The following STX11 variants were observed in gnomAD, a reference collection of about 807,000 sequenced individuals.
STX11 encodes syntaxin-11.
Under a neutral mutation model 19.9 loss-of-function variants are expected in STX11, and 21 were observed. The ratio of observed to expected loss-of-function variants is 1.06; its 90% CI spans 0.75 to 1.52. The LOEUF (loss-of-function observed/expected upper bound fraction) is 1.52. STX11 is among the 40% of genes most tolerant of loss of function. The probability of loss-of-function intolerance (pLI) is 0.00; values close to 1 mark genes in which losing one functional copy is unlikely to be tolerated. For missense variants in STX11, 438 were observed against 405.9 expected, an observed-to-expected ratio of 1.08 and a Z score of -0.68; for synonymous variants, 193 against 174.4, an observed-to-expected ratio of 1.11 and a Z score of -0.84.
In STX11 at chr6:144,190,612, T is replaced by C. The variant is rs907111300; in HGVS notation, c.*3121T>C. 6.6e-6 allele frequency among the ~76,000 whole-genome samples: 1 copy of C among 151,944 alleles called. No homozygotes were observed. Among genetic ancestry groups the C allele is most frequent in the African/African-American group, 2.4e-5 (1 of 41,364 alleles). Reference sequence around the variant, plus strand: ...TTTTTTTTTGACAGTCATAAAGATGTTTTCACTATGGCATTTCTATCCCTG... The same window carrying C: ...TTTTTTTTTGACAGTCATAAAGATGCTTTCACTATGGCATTTCTATCCCTG... On this transcript the variant is annotated 3_prime_UTR_variant, in exon 2 of 2. Transcript: ENST00000367568.
At chr6:144,157,494 C>T (rs1801201586) in intron 1 of STX11, among the ~76,000 whole-genome samples, 1 of 152,212 alleles carries the variant, frequency 6.6e-6, no homozygotes, top group Non-Finnish European at 1.5e-5. Flanking sequence ...GCATTCTCCT[C>T]TGCAACAGCC....
chr6:144,151,192 C>A lies in STX11; in HGVS notation c.-6+489C>A, dbSNP rs894293661. On this transcript the variant is annotated intron_variant, in intron 1 of 1. Coordinates refer to ENST00000367568, the MANE Select transcript of STX11 (RefSeq NM_003764.4). This position sits in a 1 kb window ranked among gnomAD's most constrained non-coding sequence, Gnocchi z 4.6. The stretch of plus-strand genomic sequence containing the variant: ...AGGAAAGACGGAGAAATTGATAGAG[C>A]CTTCGAGGAGTCCCTTCGAAGCCCA... 1 of 957,120 alleles carries A rather than the reference C, an allele frequency of 1.0e-6. No homozygotes were observed. 59.3% of individuals were successfully genotyped at this position (957,120 alleles called of 1,614,324 possible).
rs899987857 is a variant in STX11 at position 144,174,928 on chromosome 6, G to A, written c.-5-11695G>A. Among the ~76,000 whole-genome samples, 1 of 152,106 alleles carries A rather than the reference G, an allele frequency of 6.6e-6. No individual in the cohort carries two copies. Among genetic ancestry groups the A allele is most frequent in the Non-Finnish European group, 1.5e-5 (1 of 68,014 alleles). On this transcript the variant is annotated intron_variant, in intron 1 of 1. Coordinates refer to ENST00000367568, the MANE Select transcript of STX11 (RefSeq NM_003764.4). The surrounding 1 kb of genome is among the most constrained non-coding windows in gnomAD (Gnocchi z 5.3). ...CAGAGGGGATCACTTGTGCTCCAGA[G>A]TTTGAGACCAGCCTGGGCAACAGGC...
In STX11 at chr6:144,162,394, T is replaced by C. The variant is rs1460690053; in HGVS notation, c.-6+11691T>C. Among the ~76,000 whole-genome samples the C allele has an allele frequency of 1.3e-5, 2 of 152,246 alleles. No homozygotes were observed. Among genetic ancestry groups the C allele is most frequent in the Non-Finnish European group, 2.9e-5 (2 of 68,040 alleles). ...CATAATTTCCAACATTGTGTTGCTG[T>C]TTTCTTCTCTCTTATTCTTTATCCT... On this transcript the variant is annotated intron_variant, in intron 1 of 1. Coordinates refer to ENST00000367568, the MANE Select transcript of STX11 (RefSeq NM_003764.4). The surrounding 1 kb of genome is among the most constrained non-coding windows in gnomAD (Gnocchi z 4.6).
At position 144,151,847 on chromosome 6, in the gene STX11, A is replaced by G. The variant is rs986893959; in HGVS notation, c.-6+1144A>G. On this transcript the variant is annotated intron_variant, in intron 1 of 1. Transcript: ENST00000367568. This position sits in a 1 kb window ranked among gnomAD's most constrained non-coding sequence, Gnocchi z 4.6. ...GAAGCGGGTGGGTCCCAGCGGGAGC[A>G]GAGAAATTTAAAAGTTGAAGCTGAC... Among the ~76,000 whole-genome samples the G allele has an allele frequency of 1.2e-4, 19 of 152,328 alleles. 1 individual carries two copies. The highest frequency in any genetic ancestry group is 1.2e-3 in the Admixed American group (19 of 15,310).
At chr6:144,140,255 TTTATTTA>T in the STX11 span, among the ~76,000 whole-genome samples, 1 of 33,028 alleles carries the variant, frequency 3.0e-5, no homozygotes, top group African/African-American at 1.5e-4. Context: ...TATATATATA[TTTATTTA>T]TTTATTTTTT....
intron 1 of STX11, among the ~76,000 whole-genome samples, chr6:144,171,337 C>A (rs1465788236): frequency 6.6e-6 from 1 of 152,180 alleles, no homozygotes; most frequent in African/African-American, 2.4e-5. Flanking sequence ...TCACATCCCA[C>A]TAATTTTTGC....
chr6:144,140,254 A>ATATATATTT, the STX11 span, among the ~76,000 whole-genome samples: 1 of 38,902 alleles, frequency 2.6e-5, no homozygotes, highest in African/African-American at 1.3e-4. Flanking sequence ...ATATATATAT[A>ATATATATTT]TTTATTTATT....
Position 144,191,252 on chromosome 6 carries a change from G to A in STX11, c.*3761G>A, listed in dbSNP as rs181610739. On this transcript the variant is annotated 3_prime_UTR_variant, in exon 2 of 2. Transcript: ENST00000367568. Reference sequence around the variant, plus strand: ...TCCAGAAATGTCCTAACTAGGAAAGGTGCTCATCTAGTATGCATCGGTATC... The same window carrying A: ...TCCAGAAATGTCCTAACTAGGAAAGATGCTCATCTAGTATGCATCGGTATC... Among the ~76,000 whole-genome samples the A allele has an allele frequency of 1.8e-4, 27 of 146,130 alleles. No homozygotes were observed. The highest frequency in any genetic ancestry group is 3.7e-4 in the Non-Finnish European group (25 of 66,892).
intron 1 of STX11, among the ~76,000 whole-genome samples, chr6:144,173,442 G>A (rs559303232): frequency 6.6e-6 from 1 of 152,282 alleles, no homozygotes; most frequent in Admixed American, 6.5e-5. Flanking sequence ...GAGGTCTAAG[G>A]CCATTTCTTA....
At chr6:144,161,520 A>G (rs1471544486) in intron 1 of STX11, among the ~76,000 whole-genome samples, 1 of 152,122 alleles carries the variant, frequency 6.6e-6, no homozygotes, top group Non-Finnish European at 1.5e-5. Flanking sequence ...GGCGCCCGCC[A>G]CCACGTCCAG....
At position 144,152,165 on chromosome 6, in the gene STX11, A is replaced by C. The variant is rs554039214; in HGVS notation, c.-6+1462A>C. 1.4e-4 allele frequency among the ~76,000 whole-genome samples: 21 copies of C among 152,362 alleles called. No homozygotes were observed. The highest frequency in any genetic ancestry group is 3.9e-4 in the Admixed American group (6 of 15,308). ...AGTGTATTTAAAGAGTAGACTCAGC[A>C]GATTATCACCCCTAGATAATTGCGG... On this transcript the variant is annotated intron_variant, in intron 1 of 1. Coordinates refer to ENST00000367568, the MANE Select transcript of STX11 (RefSeq NM_003764.4). This position sits in a 1 kb window ranked among gnomAD's most constrained non-coding sequence, Gnocchi z 4.9.
At chr6:144,141,710 ATTCC>A in the STX11 span, among the ~76,000 whole-genome samples, 1 of 151,740 alleles carries the variant, frequency 6.6e-6, no homozygotes, top group African/African-American at 2.4e-5. Context: ...ACAGGGTCTC[ATTCC>A]ATTGTCCAGG....
chr6:144,179,792 C>A (rs1448523285), intron 1 of STX11, among the ~76,000 whole-genome samples: 3 of 152,162 alleles, frequency 2.0e-5, no homozygotes, highest in Admixed American at 6.5e-5. Flanking sequence ...ACCCTATAGA[C>A]CAATAGTGGA....
rs542117378 is a variant in STX11, at chr6:144,167,737, G to A, written c.-6+17034G>A. On this transcript the variant is annotated intron_variant, in intron 1 of 1. Transcript: ENST00000367568. The surrounding 1 kb of genome is among the most constrained non-coding windows in gnomAD (Gnocchi z 5.0). The stretch of plus-strand genomic sequence containing the variant: ...GGGCTCAGGTGATCATCCCATCTCA[G>A]CCTCCCAAGCAGCTGGGAATACAGG... 7.9e-5 allele frequency among the ~76,000 whole-genome samples: 12 copies of A among 152,188 alleles called. No individual in the cohort carries two copies. In the East Asian group the frequency reaches 2.3e-3, roughly 29 times the overall value.
At position 144,187,097 on chromosome 6, in the gene STX11, G is replaced by C; in HGVS notation, c.470G>C (p.Cys157Ser). The C allele has an allele frequency of 6.2e-7, 1 of 1,613,812 alleles. No individual in the cohort carries two copies. Among genetic ancestry groups the C allele is most frequent in the Non-Finnish European group, 8.5e-7 (1 of 1,180,008 alleles). Residue 157 changes from cysteine (C) to serine (S), a missense_variant, in exon 2 of 2, where the codon TGC becomes TCC. Transcript: ENST00000367568. The surrounding 1 kb of genome is among the most constrained non-coding windows in gnomAD (Gnocchi z 5.6). ...GCCGAGATGAAGCAGCGCGACAACT[G>C]CAAGATCCGCATCCAGCGCCAGCTG... ...NQAEMKQRDN[C>S]KIRIQRQLEI...
At chr6:144,140,214 ATATATAT>A in the STX11 span, among the ~76,000 whole-genome samples, 9,501 of 85,076 alleles carry the variant, frequency 0.11, 530 homozygotes, top group East Asian at 0.17. Flanking sequence ...ATTCACATAT[ATATATAT>A]ATATATATAT....
At chr6:144,168,628 T>C (rs1801546333) in intron 1 of STX11, among the ~76,000 whole-genome samples, 3 of 152,198 alleles carry the variant, frequency 2.0e-5, no homozygotes, top group African/African-American at 7.2e-5. Context: ...TCCTTCAAAG[T>C]CACCACGTTG....
Position 144,174,583 on chromosome 6 carries a change from G to T in STX11, c.-5-12040G>T, listed in dbSNP as rs1208105353. ...GGATTTTGCCCTGTTACCCAGGCTG[G>T]TCTTGAACTCCTGGGCACAAGCGAT... On this transcript the variant is annotated intron_variant, in intron 1 of 1. Transcript: ENST00000367568. This position sits in a 1 kb window ranked among gnomAD's most constrained non-coding sequence, Gnocchi z 5.3. Among the ~76,000 whole-genome samples the T allele has an allele frequency of 6.6e-6, 1 of 151,978 alleles. No individual in the cohort carries two copies. The highest frequency in any genetic ancestry group is 1.5e-5 in the Non-Finnish European group (1 of 68,002).
Sources: gnomAD v4.1 joint callset for allele counts (sites outside exome capture counted in the v4.1 genomes callset) on GRCh38, gnomAD v4.1.1 for gene constraint, Gnocchi (gnomAD v3.1) non-coding constraint, MANE v1.5 for transcripts, NCBI Gene and HGNC (gene_info 2026-07-23, HGNC 2026-07-21) for gene names.